The following PTPRD variants were observed in gnomAD, a reference collection of about 807,000 sequenced individuals.
PTPRD encodes protein tyrosine phosphatase receptor type D, also known as receptor-type tyrosine-protein phosphatase delta.
In PTPRD, 34 loss-of-function variants were observed where a neutral mutation model predicts 214.5. That is an observed-to-expected ratio of 0.16 (90% CI 0.12 to 0.21). The LOEUF (loss-of-function observed/expected upper bound fraction) is 0.21. Ranked by LOEUF, PTPRD falls within the 10% of genes least tolerant of loss-of-function variation. The pLI, the probability that PTPRD is intolerant of heterozygous loss-of-function variation, is 1.00. For missense variants in PTPRD, 2,545 were observed against 2,398.7 expected, an observed-to-expected ratio of 1.06 and a Z score of -1.27; for synonymous variants, 1,128 against 845.7, an observed-to-expected ratio of 1.33 and a Z score of -5.79.
chr9:10,388,786 C>T (rs1056462930), intron 2 of PTPRD, among the ~76,000 whole-genome samples: 4 of 151,582 alleles, frequency 2.6e-5, no homozygotes, highest in Admixed American at 6.6e-5. Flanking sequence ...AATGTTGGAA[C>T]CTATTCTTTA....
intron 5 of PTPRD, among the ~76,000 whole-genome samples, chr9:9,860,543 G>A (rs192174697): frequency 2.8e-4 from 42 of 152,256 alleles, no homozygotes; most frequent in Non-Finnish European, 4.3e-4. Context: ...TTGCCCATTC[G>A]TTCTCTGCTG....
At chr9:9,587,930 T>C (rs2154322139) in intron 7 of PTPRD, among the ~76,000 whole-genome samples, 1 of 152,086 alleles carries the variant, frequency 6.6e-6, no homozygotes, top group South Asian at 2.1e-4. Context: ...GTTTTAATGT[T>C]GGTTAGCCGA....
intron 14 of PTPRD, among the ~76,000 whole-genome samples, chr9:8,543,578 G>C (rs1380439096): frequency 6.6e-6 from 1 of 152,156 alleles, no homozygotes; most frequent in Admixed American, 6.5e-5. Flanking sequence ...ATGCAATACA[G>C]CTTTGTATAT....
intron 2 of PTPRD, among the ~76,000 whole-genome samples, chr9:10,452,584 T>C: frequency 6.6e-6 from 1 of 151,852 alleles, no homozygotes; most frequent in East Asian, 1.9e-4. Flanking sequence ...TTCACCTCTC[T>C]GATGATTAAT....
At chr9:9,814,304 G>C (rs1590368) in intron 5 of PTPRD, among the ~76,000 whole-genome samples, 46 of 136,900 alleles carry the variant, frequency 3.4e-4, no homozygotes, top group Non-Finnish European at 3.1e-5. Context: ...AATTAGGTAA[G>C]AAAGAAAAAA....
chr9:9,916,810 G>A (rs1446753650), intron 5 of PTPRD, among the ~76,000 whole-genome samples: 1 of 151,874 alleles, frequency 6.6e-6, no homozygotes, highest in Non-Finnish European at 1.5e-5. Flanking sequence ...ACATTCTCCA[G>A]GATTGACATG....
intron 5 of PTPRD, among the ~76,000 whole-genome samples, chr9:9,916,641 A>T (rs954904971): frequency 6.6e-6 from 1 of 152,034 alleles, no homozygotes; most frequent in African/African-American, 2.4e-5. Context: ...TTCTGTGCAA[A>T]CAGAAACCAA....
intron 5 of PTPRD, among the ~76,000 whole-genome samples, chr9:9,893,662 C>T (rs546739891): frequency 6.6e-6 from 1 of 152,124 alleles, no homozygotes; most frequent in Non-Finnish European, 1.5e-5. Flanking sequence ...GGAAAGGACC[C>T]AGTTAAGAGA....
At chr9:10,504,753 G>A (rs116869148) in intron 2 of PTPRD, among the ~76,000 whole-genome samples, 16 of 152,220 alleles carry the variant, frequency 1.1e-4, no homozygotes, top group Non-Finnish European at 1.6e-4. Context: ...AAAGAATTAC[G>A]TACTAAAATC....
chr9:9,171,918 A>C (rs1040220791), intron 10 of PTPRD, among the ~76,000 whole-genome samples: 1 of 152,148 alleles, frequency 6.6e-6, no homozygotes, highest in Non-Finnish European at 1.5e-5. Flanking sequence ...TCATTATTTA[A>C]CAAATATTAT....
chr9:9,916,429 G>A (rs530162331), intron 5 of PTPRD, among the ~76,000 whole-genome samples: 33 of 151,956 alleles, frequency 2.2e-4, no homozygotes, highest in Admixed American at 1.2e-3. Flanking sequence ...ATAGGTGTAC[G>A]TCCTCACCTA....
At chr9:9,682,386 C>A (rs767890333) in intron 7 of PTPRD, among the ~76,000 whole-genome samples, 10 of 151,760 alleles carry the variant, frequency 6.6e-5, no homozygotes, top group Non-Finnish European at 1.0e-4. Context: ...TGAGAATGCT[C>A]ACATTTTCTG....
chr9:8,526,617 G>T lies in PTPRD; in HGVS notation c.568+10C>A. On this transcript the variant is annotated intron_variant, in intron 17 of 45. Transcript: ENST00000381196. ...AGATCATTCTGTGAACGTTAGTTCA[G>T]CACTCTTACCTCTTATTGGTGTACC... 1 of 1,579,740 alleles carries T rather than the reference G, an allele frequency of 6.3e-7. No individual in the cohort carries two copies. Among genetic ancestry groups the T allele is most frequent in the African/African-American group, 1.4e-5 (1 of 73,930 alleles).
chr9:8,410,542 G>A (rs1419349062), intron 35 of PTPRD, among the ~76,000 whole-genome samples: 2 of 152,154 alleles, frequency 1.3e-5, no homozygotes, highest in Non-Finnish European at 2.9e-5. Flanking sequence ...CAACATTAGA[G>A]TGTGAAGGAT....
chr9:8,505,843 A>G (rs1406275151), intron 22 of PTPRD, among the ~76,000 whole-genome samples: 1 of 152,104 alleles, frequency 6.6e-6, no homozygotes, highest in Admixed American at 6.5e-5. Flanking sequence ...CTCTTTGTAT[A>G]TATGTATGTT....
chr9:9,386,074 C>T (rs1022896697), intron 9 of PTPRD, among the ~76,000 whole-genome samples: 2 of 152,082 alleles, frequency 1.3e-5, no homozygotes, highest in African/African-American at 2.4e-5. Context: ...CTTCCTACTA[C>T]AAAAAGAGGC....
intron 5 of PTPRD, among the ~76,000 whole-genome samples, chr9:9,822,701 C>T (rs554856546): frequency 1.3e-5 from 2 of 151,806 alleles, no homozygotes; most frequent in Admixed American, 6.6e-5. Flanking sequence ...ACAACCTACA[C>T]GTACTACAGA....
At chr9:10,400,436 C>T (rs1050461582) in intron 2 of PTPRD, among the ~76,000 whole-genome samples, 1 of 151,496 alleles carries the variant, frequency 6.6e-6, no homozygotes, top group Non-Finnish European at 1.5e-5. Context: ...AATAATGTAA[C>T]TCCTTGTGTT....
intron 6 of PTPRD, among the ~76,000 whole-genome samples, chr9:9,744,444 C>G (rs2098438194): frequency 6.6e-6 from 1 of 151,968 alleles, no homozygotes; most frequent in South Asian, 2.1e-4. Flanking sequence ...ATTTAATGAC[C>G]AGTGATACAT....
Sources: allele counts gnomAD v4.1 joint callset (sites outside exome capture counted in the v4.1 genomes callset), GRCh38; gene constraint gnomAD v4.1.1; transcripts MANE v1.5; gene names NCBI Gene and HGNC (gene_info 2026-07-23, HGNC 2026-07-21).